FGF9: variants seen among roughly 807,000 people sequenced by gnomAD.
FGF9 encodes the protein fibroblast growth factor 9, also known as fibroblast growth factor 9 (glia-activating factor).
FGF9 carries 3 observed loss-of-function variants against 19.9 expected under a neutral mutation model. The observed-to-expected ratio is 0.15, with a 90% confidence interval of 0.07 to 0.39. The LOEUF is 0.39. Among genes scored for constraint, FGF9 ranks in the 10% least tolerant of loss-of-function variants. The pLI, the probability that FGF9 is intolerant of heterozygous loss-of-function variation, is 1.00. For missense variants in FGF9, 175 were observed against 256.8 expected, an observed-to-expected ratio of 0.68 and a Z score of 2.18; for synonymous variants, 107 against 106.9, an observed-to-expected ratio of 1.00 and a Z score of -0.01.
chr13:21,687,793 C>A (rs1008341239), intron 2 of FGF9, among the ~76,000 whole-genome samples: 2 of 152,170 alleles, frequency 1.3e-5, no homozygotes, highest in Non-Finnish European at 2.9e-5. Context: ...GCACTGTGTA[C>A]CACTGACAAT....
At chr13:21,684,441 G>A (rs1045523309) in intron 2 of FGF9, among the ~76,000 whole-genome samples, 3 of 151,956 alleles carry the variant, frequency 2.0e-5, no homozygotes, top group South Asian at 2.1e-4. Flanking sequence ...TTTTTGTCCC[G>A]CATTGGATGC....
chr13:21,697,078 C>A (rs2138146672), intron 2 of FGF9, among the ~76,000 whole-genome samples: 1 of 152,188 alleles, frequency 6.6e-6, no homozygotes, highest in East Asian at 1.9e-4. Flanking sequence ...AGTTATATAA[C>A]CCTCCTGTGT....
intron 2 of FGF9, among the ~76,000 whole-genome samples, chr13:21,697,341 C>T (rs573270639): frequency 6.6e-6 from 1 of 152,174 alleles, no homozygotes; most frequent in South Asian, 2.1e-4. Context: ...AGATGGGGGT[C>T]TCACTATGTT....
At chr13:21,683,725 C>T (rs1297531232) in intron 2 of FGF9, among the ~76,000 whole-genome samples, 2 of 152,248 alleles carry the variant, frequency 1.3e-5, no homozygotes, top group Non-Finnish European at 2.9e-5. Flanking sequence ...CTGTGAGAGA[C>T]ACTTTTCCGT....
At position 21,691,949 on chromosome 13, in the gene FGF9, G is replaced by C. The variant is rs1461959796; in HGVS notation, c.382-9241G>C. Reference sequence around the variant, plus strand: ...CTTCATGCTGTCTCTAAATGCTTACGATCCTGACATTAATTGATTCCCTTT... The same window carrying C: ...CTTCATGCTGTCTCTAAATGCTTACCATCCTGACATTAATTGATTCCCTTT... On this transcript the variant is annotated intron_variant, in intron 2 of 2. Transcript: ENST00000382353. This position sits in a 1 kb window ranked among gnomAD's most constrained non-coding sequence, Gnocchi z 4.2. 6.6e-6 allele frequency among the ~76,000 whole-genome samples: 1 copy of C among 151,526 alleles called. No homozygotes were observed. The highest frequency in any genetic ancestry group is 1.5e-5 in the Non-Finnish European group (1 of 67,914).
At chr13:21,699,765 C>T (rs17070689) in intron 2 of FGF9, among the ~76,000 whole-genome samples, 1,868 of 152,204 alleles carry the variant, frequency 0.012, 53 homozygotes, top group African/African-American at 0.043. Flanking sequence ...ATGACAGAAA[C>T]GAATGTCCTT....
chr13:21,687,555 G>A (rs766574254), intron 2 of FGF9, among the ~76,000 whole-genome samples: 3 of 152,196 alleles, frequency 2.0e-5, no homozygotes, highest in Non-Finnish European at 4.4e-5. Flanking sequence ...CGAAGATGCT[G>A]CCTCACTGTA....
chr13:21,679,618 G>T (rs907997442), intron 1 of FGF9, among the ~76,000 whole-genome samples: 1 of 151,602 alleles, frequency 6.6e-6, no homozygotes, highest in Non-Finnish European at 1.5e-5. Flanking sequence ...ACAATAAAAA[G>T]GAAAAAATGG....
intron 1 of FGF9, among the ~76,000 whole-genome samples, chr13:21,680,376 T>A (rs1872014768): frequency 6.6e-6 from 1 of 152,222 alleles, no homozygotes; most frequent in Non-Finnish European, 1.5e-5. Context: ...GCTGGATAAT[T>A]TTCTGTATAA....
chr13:21,701,061 C>T (rs984252256), intron 2 of FGF9, 129 bp from the exon 3 acceptor site: 7 of 698,668 alleles, frequency 1.0e-5, no homozygotes, highest in African/African-American at 3.6e-5. Flanking sequence ...GTGTAGGATG[C>T]GCAGGTTTGT....
At position 21,703,717 on chromosome 13, in the gene FGF9, G is replaced by A. The variant is rs953842827; in HGVS notation, c.*2282G>A. 1 of 151,940 alleles carries A rather than the reference G, an allele frequency of 6.6e-6. No homozygotes were observed. Among genetic ancestry groups the A allele is most frequent in the Non-Finnish European group, 1.5e-5 (1 of 67,998 alleles). The allele number at this position is 151,940 out of a possible 1,614,324, so 9.4% of individuals were successfully genotyped here. A position where few individuals can be genotyped will look rare whatever the true frequency, so the allele number is the denominator to read the frequency against. On this transcript the variant is annotated 3_prime_UTR_variant, in exon 3 of 3. Transcript: ENST00000382353. ...TAGGATGTCATAGGTATACTATGTA[G>A]CACTGAAAAAATTGATTTTAGGTGA...
chr13:21,701,387 C>G lies in FGF9; in HGVS notation c.579C>G (p.Asp193Glu). The G allele has an allele frequency of 6.2e-7, 1 of 1,613,722 alleles. No homozygotes were observed. The highest frequency in any genetic ancestry group is 8.5e-7 in the Non-Finnish European group (1 of 1,179,912). Residue 193 changes from aspartate to glutamate, a missense_variant, in exon 3 of 3, where the codon GAC becomes GAG. Physicochemically the swap from Asp to Glu is conservative, Grantham distance 45 (BLOSUM62 2). Around this residue, in one of 3 missense-constraint regions of FGF9, gnomAD observed 101 missense variants for 160.7 expected, o/e 0.63. Transcript: ENST00000382353. Reference protein sequence around the residue: ...KFTHFLPRPVDPDKVPELYKD... With the variant: ...KFTHFLPRPVEPDKVPELYKD... ...CACATTTTTTACCTAGACCAGTGGACCCCGACAAAGTACCTGAACTGTATA... is the reference window on the plus strand; with the variant it reads ...CACATTTTTTACCTAGACCAGTGGAGCCCGACAAAGTACCTGAACTGTATA...
chr13:21,675,104 C>T (rs1453043177), intron 1 of FGF9, among the ~76,000 whole-genome samples: 4 of 151,022 alleles, frequency 2.6e-5, no homozygotes, highest in African/African-American at 7.3e-5. Flanking sequence ...AGGTTGGGGA[C>T]TGGGGGCGCC....
intron 2 of FGF9, among the ~76,000 whole-genome samples, chr13:21,688,768 T>C (rs928027384): frequency 6.6e-6 from 1 of 151,470 alleles, no homozygotes; most frequent in Admixed American, 6.6e-5. Flanking sequence ...TTTTTTTTTT[T>C]CCAGTAGCCT....
intron 2 of FGF9, among the ~76,000 whole-genome samples, chr13:21,687,820 C>G (rs756492712): frequency 6.6e-6 from 1 of 152,170 alleles, no homozygotes; most frequent in Non-Finnish European, 1.5e-5. Flanking sequence ...AAACCCCAGT[C>G]CATTCTTGGG....
Position 21,681,100 on chromosome 13 carries a change from T to C in FGF9, c.336T>C (p.Ser112=). 1 of 1,614,058 alleles carries C rather than the reference T, an allele frequency of 6.2e-7. No individual in the cohort carries two copies. The highest frequency in any genetic ancestry group is 8.5e-7 in the Non-Finnish European group (1 of 1,179,968). ...VGLVSIRGVD[S]GLYLGMNEKG... ...TGGTCAGCATTCGAGGCGTGGACAG[T>C]GGACTCTACCTCGGGATGAATGAGA... is the stretch of plus-strand genomic sequence containing the variant. Residue 112 remains serine, a synonymous_variant, in exon 2 of 3, where the codon AGT becomes AGC. Coordinates refer to ENST00000382353, the MANE Select transcript of FGF9 (RefSeq NM_002010.3).
At chr13:21,694,070 T>G (rs1013706200) in intron 2 of FGF9, among the ~76,000 whole-genome samples, 6 of 152,206 alleles carry the variant, frequency 3.9e-5, no homozygotes, top group Non-Finnish European at 7.3e-5. Context: ...CACTAGAATC[T>G]TAGGCTTACA....
chr13:21,687,905 T>C (rs1163008227), intron 2 of FGF9, among the ~76,000 whole-genome samples: 1 of 152,216 alleles, frequency 6.6e-6, no homozygotes, highest in Non-Finnish European at 1.5e-5. Flanking sequence ...TACTTTTTCA[T>C]TGACCTGGAA....
intron 2 of FGF9, among the ~76,000 whole-genome samples, chr13:21,690,610 C>T (rs1335036610): frequency 1.6e-4 from 25 of 152,162 alleles, no homozygotes; most frequent in Admixed American, 8.5e-4. Context: ...TTTGTGAATT[C>T]GCCTACTTAC....
Sources: gnomAD v4.1 joint callset for allele counts (sites outside exome capture counted in the v4.1 genomes callset) on GRCh38, gnomAD v4.1.1 for gene constraint, gnomAD v4.1.1 regional missense constraint, Gnocchi (gnomAD v3.1) non-coding constraint, MANE v1.5 for transcripts, NCBI Gene and HGNC (gene_info 2026-07-23, HGNC 2026-07-21) for gene names.